EEIG2: variants seen among roughly 807,000 people sequenced by gnomAD.
EEIG2 encodes family with sequence similarity 102 member B.
the EEIG2 span, among the ~76,000 whole-genome samples, chr1:108,589,080 C>G: frequency 6.6e-6 from 1 of 152,070 alleles, no homozygotes; most frequent in Non-Finnish European, 1.5e-5. Flanking sequence ...TGCATTAGAG[C>G]TCACTCTTTT....
chr1:108,599,237 A>G, the EEIG2 span, among the ~76,000 whole-genome samples: 3 of 152,074 alleles, frequency 2.0e-5, no homozygotes, highest in African/African-American at 7.2e-5. Context: ...TGAGGCAGCT[A>G]TAAGTTTGAC....
the EEIG2 span, among the ~76,000 whole-genome samples, chr1:108,615,927 G>C: frequency 2.5e-3 from 373 of 152,144 alleles, no homozygotes; most frequent in Admixed American, 4.3e-3. Context: ...CAGACACTTA[G>C]GTACCACAGG....
At chr1:108,615,715 G>A in the EEIG2 span, among the ~76,000 whole-genome samples, 1 of 151,074 alleles carries the variant, frequency 6.6e-6, no homozygotes, top group Non-Finnish European at 1.5e-5. Context: ...AGGAGTTTAA[G>A]ACTGCAGTGA....
the EEIG2 span, among the ~76,000 whole-genome samples, chr1:108,565,753 G>A: frequency 2.0e-5 from 3 of 152,078 alleles, no homozygotes; most frequent in African/African-American, 4.8e-5. Flanking sequence ...CTAAACAAGC[G>A]GAAAGGATTT....
the EEIG2 span, chr1:108,631,032 A>G: frequency 4.5e-6 from 1 of 222,142 alleles, no homozygotes; most frequent in South Asian, 4.8e-5. Context: ...ATCAGATATC[A>G]TAAGTAGGTA....
chr1:108,560,510 C>T, the EEIG2 span: 1 of 1,613,132 alleles, frequency 6.2e-7, no homozygotes. Flanking sequence ...CAATGGGGTC[C>T]TCTTCTGCAA....
At chr1:108,564,353 G>C in the EEIG2 span, among the ~76,000 whole-genome samples, 1 of 152,336 alleles carries the variant, frequency 6.6e-6, no homozygotes, top group African/African-American at 2.4e-5. Flanking sequence ...GGTGTCTCAT[G>C]TAAGTGACTG....
the EEIG2 span, among the ~76,000 whole-genome samples, chr1:108,585,926 A>T: frequency 6.6e-6 from 1 of 152,054 alleles, no homozygotes; most frequent in Non-Finnish European, 1.5e-5. Context: ...TGACCCGAAC[A>T]TATTCTTTTG....
chr1:108,613,371 A>C, the EEIG2 span, among the ~76,000 whole-genome samples: 14 of 152,344 alleles, frequency 9.2e-5, no homozygotes, highest in African/African-American at 3.4e-4. Context: ...AAAAGTAGTC[A>C]GTGGCAGAGC....
chr1:108,572,276 A>G, the EEIG2 span, among the ~76,000 whole-genome samples: 1 of 151,960 alleles, frequency 6.6e-6, no homozygotes. Context: ...TTTTTTATAG[A>G]CTTTATTTTC....
At chr1:108,612,755 C>G in the EEIG2 span, among the ~76,000 whole-genome samples, 4 of 152,250 alleles carry the variant, frequency 2.6e-5, no homozygotes, top group African/African-American at 9.6e-5. Context: ...GCTATGTGCT[C>G]TAGTAATGAG....
the EEIG2 span, among the ~76,000 whole-genome samples, chr1:108,597,771 C>T: frequency 2.0e-5 from 3 of 152,226 alleles, no homozygotes; most frequent in African/African-American, 4.8e-5. Flanking sequence ...GAGGCTAATA[C>T]ATGCACTCAA....
chr1:108,622,130 C>T, the EEIG2 span, among the ~76,000 whole-genome samples: 1 of 152,006 alleles, frequency 6.6e-6, no homozygotes, highest in Non-Finnish European at 1.5e-5. Flanking sequence ...GCACTCCAGC[C>T]TGGGAAATGA....
chr1:108,624,634 T>C, the EEIG2 span: 86 of 1,608,170 alleles, frequency 5.3e-5, no homozygotes, highest in East Asian at 5.4e-4. Context: ...TTCGTAAATG[T>C]TTATTTACAG....
chr1:108,591,576 G>A, the EEIG2 span, among the ~76,000 whole-genome samples: 1 of 152,302 alleles, frequency 6.6e-6, no homozygotes, highest in East Asian at 1.9e-4. Flanking sequence ...CCAGAAACAA[G>A]GCAGAGAGAA....
the EEIG2 span, among the ~76,000 whole-genome samples, chr1:108,568,970 G>C: frequency 6.6e-6 from 1 of 152,188 alleles, no homozygotes; most frequent in African/African-American, 2.4e-5. Flanking sequence ...GGAGAGGACA[G>C]ATATCAGGAT....
chr1:108,628,410 ACTCCCGGTCATCTAGTTT>A, the EEIG2 span: 1 of 1,613,806 alleles, frequency 6.2e-7, no homozygotes, highest in Non-Finnish European at 8.5e-7. Flanking sequence ...AGCACGTGTC[ACTCCCGGTCATCTAGTTT>A]CTCTGAGCTC....
the EEIG2 span, among the ~76,000 whole-genome samples, chr1:108,591,424 C>T: frequency 3.9e-5 from 6 of 152,098 alleles, no homozygotes; most frequent in South Asian, 2.1e-4. Context: ...TGTTACAAAA[C>T]GATAAAGATT....
the EEIG2 span, among the ~76,000 whole-genome samples, chr1:108,573,700 G>A: frequency 6.6e-6 from 1 of 152,084 alleles, no homozygotes; most frequent in African/African-American, 2.4e-5. Flanking sequence ...AAACAACCCA[G>A]TAAAAACTGG....
Sources: allele counts gnomAD v4.1 joint callset (sites outside exome capture counted in the v4.1 genomes callset), GRCh38; gene constraint gnomAD v4.1.1; transcripts MANE v1.5; gene names NCBI Gene and HGNC (gene_info 2026-07-23, HGNC 2026-07-21).